Variants in MPP4 observed in about 807,000 individuals in gnomAD.
MPP4 encodes the protein MAGUK p55 subfamily member 4.
In MPP4, 91 loss-of-function variants were observed where a neutral mutation model predicts 98.3. The ratio of observed to expected loss-of-function variants is 0.93; its 90% CI spans 0.78 to 1.10. The LOEUF is 1.10. Ranked by LOEUF, MPP4 falls within the 50% of genes least tolerant of loss-of-function variation. The pLI, the probability that MPP4 is intolerant of heterozygous loss-of-function variation, is 0.00. For missense variants in MPP4, 744 were observed against 792.9 expected (o/e 0.94, Z 0.74); for synonymous variants, 261 against 271.8 (o/e 0.96, Z 0.39).
chr2:201,649,323 A>G (rs1001236437), intron 20 of MPP4, among the ~76,000 whole-genome samples: 1 of 152,226 alleles, frequency 6.6e-6, no homozygotes, highest in African/African-American at 2.4e-5. Flanking sequence ...GGTTAAAGCA[A>G]GAAAGATTCT....
At chr2:201,666,305 A>G in intron 13 of MPP4, 29 bp downstream of exon 13, 5 of 1,533,180 alleles carry the variant, frequency 3.3e-6, no homozygotes, top group Non-Finnish European at 4.4e-6. Flanking sequence ...ATTTCTTCTA[A>G]CAGCAAAGCA....
At chr2:201,691,907 AC>A (rs1036870972) in intron 3 of MPP4, among the ~76,000 whole-genome samples, 2 of 152,196 alleles carry the variant, frequency 1.3e-5, no homozygotes, top group Non-Finnish European at 2.9e-5. Flanking sequence ...AATAGGAATA[AC>A]TTTTTAAAGC....
chr2:201,649,811 A>C, intron 19 of MPP4, 127 bp from the exon 20 acceptor site: 1 of 717,892 alleles, frequency 1.4e-6, no homozygotes, highest in Non-Finnish European at 2.4e-6. Context: ...GAAAGAATGA[A>C]TAGATATTCA....
intron 14 of MPP4, chr2:201,661,342 C>A (rs1009077786): frequency 7.7e-5 from 35 of 453,016 alleles, no homozygotes; most frequent in South Asian, 4.2e-4. Context: ...AACTGAAGAA[C>A]CTTAACTGCT....
chr2:201,680,182 T>C (rs2105937476), intron 10 of MPP4: 1 of 152,378 alleles, frequency 6.6e-6, no homozygotes, highest in Non-Finnish European at 1.5e-5. Flanking sequence ...TGGGTTGAAA[T>C]TGAGGTCTCA....
At chr2:201,675,183 C>G (rs761293410) in intron 11 of MPP4, 24 bp downstream of exon 11, 1 of 1,594,354 alleles carries the variant, frequency 6.3e-7, no homozygotes, top group Non-Finnish European at 8.5e-7. Context: ...CAGGAAGAAC[C>G]TGTCGGGCAG....
intron 15 of MPP4, 72 bp from the exon 16 acceptor site, chr2:201,658,590 C>A: frequency 1.4e-6 from 2 of 1,434,810 alleles, no homozygotes; most frequent in South Asian, 2.6e-5. Context: ...TTCATGAAAT[C>A]ATTTTCAACT....
At chr2:201,687,686 T>C (rs1381626392) in intron 4 of MPP4, among the ~76,000 whole-genome samples, 1 of 152,248 alleles carries the variant, frequency 6.6e-6, no homozygotes. Flanking sequence ...ACTTTTCCTC[T>C]AGTGCCTCTA....
In MPP4 at chr2:201,693,870, A is replaced by C. The variant is rs1207727739; in HGVS notation, c.79+6T>G. 7 of 1,613,880 alleles carry C rather than the reference A, an allele frequency of 4.3e-6. No individual in the cohort carries two copies. The East Asian group carries it at 1.6e-4, about 36-fold the overall frequency. ...GGTCTAGAAAAGGAGTCCTGGTGACACATACCATTCTGTGGATTGGTGGCT... is the reference window on the plus strand; with the variant it reads ...GGTCTAGAAAAGGAGTCCTGGTGACCCATACCATTCTGTGGATTGGTGGCT... On this transcript the variant is annotated splice_donor_region_variant and intron_variant, in intron 2 of 21. Coordinates refer to ENST00000409474, the MANE Select transcript of MPP4 (RefSeq NM_033066.3).
At chr2:201,683,910 G>C (rs1184734260) in intron 7 of MPP4, among the ~76,000 whole-genome samples, 2 of 152,164 alleles carry the variant, frequency 1.3e-5, no homozygotes, top group Non-Finnish European at 2.9e-5. Context: ...AACAGGTATA[G>C]AACCACTCAT....
At chr2:201,666,420 C>T (rs1454163070) in intron 12 of MPP4, 48 bp from the exon 13 acceptor site, 3 of 1,437,562 alleles carry the variant, frequency 2.1e-6, no homozygotes, top group African/African-American at 2.9e-5. Flanking sequence ...AATGTGTCTG[C>T]ATTAAAAAGA....
chr2:201,664,454 TTGCTGC>T, intron 13 of MPP4: 1 of 1,021,726 alleles, frequency 9.8e-7, no homozygotes, highest in Non-Finnish European at 1.3e-6. Context: ...CTGCTCGGCT[TTGCTGC>T]AGAGGGCTTG....
At position 201,660,318 on chromosome 2, in the gene MPP4, A is replaced by G. The variant is rs1687989167; in HGVS notation, c.1087+14T>C. 1.2e-6 allele frequency: 2 copies of G among 1,610,080 alleles called. No homozygotes were observed. The highest frequency in any genetic ancestry group is 1.3e-5 in the African/African-American group (1 of 74,842). On this transcript the variant is annotated intron_variant, in intron 15 of 21. Transcript: ENST00000409474. ...TAGTTCTATTTGGTATATCTAGGAA[A>G]TAAAAACAATTACCTTCTGAAAGTT...
chr2:201,656,723 G>A (rs1025495920), intron 16 of MPP4, among the ~76,000 whole-genome samples: 6 of 152,172 alleles, frequency 3.9e-5, no homozygotes, highest in Non-Finnish European at 5.9e-5. Flanking sequence ...AGAGAGTGAT[G>A]GGGGTGCTTT....
chr2:201,653,954 T>A (rs555385037), intron 18 of MPP4, among the ~76,000 whole-genome samples: 20 of 151,842 alleles, frequency 1.3e-4, no homozygotes, highest in South Asian at 4.2e-4. Context: ...AATAAAGGAG[T>A]TACGAGTAAA....
chr2:201,698,186 C>T (rs1689246682), intron 1 of MPP4: 1 of 606,958 alleles, frequency 1.6e-6, no homozygotes. Flanking sequence ...CTATTAAATG[C>T]CACAACCCCC....
At chr2:201,676,709 G>C (rs1400447643) in intron 10 of MPP4, among the ~76,000 whole-genome samples, 3 of 152,156 alleles carry the variant, frequency 2.0e-5, no homozygotes, top group African/African-American at 7.2e-5. Flanking sequence ...AGACCAGCTT[G>C]GCCAACACAG....
In MPP4 at chr2:201,658,461, T is replaced by C. The variant is rs1227518043; in HGVS notation, c.1129+16A>G. 4 of 1,608,494 alleles carry C rather than the reference T, an allele frequency of 2.5e-6. No individual in the cohort carries two copies. The highest frequency in any genetic ancestry group is 4.5e-5 in the East Asian group (2 of 44,820). ...ACAAGTGACAGAGACCCACCTCTTG[T>C]TAATTTATCACCTACCTATAAAGAA... On this transcript the variant is annotated intron_variant, in intron 16 of 21. Transcript: ENST00000409474.
intron 18 of MPP4, chr2:201,651,735 C>G (rs1054268194): frequency 2.6e-6 from 2 of 763,288 alleles, no homozygotes; most frequent in Non-Finnish European, 3.2e-6. Context: ...GGGTGGATCA[C>G]CTGGGGTCAG....
Sources: allele counts gnomAD v4.1 joint callset (sites outside exome capture counted in the v4.1 genomes callset), GRCh38; gene constraint gnomAD v4.1.1; transcripts MANE v1.5; gene names NCBI Gene and HGNC (gene_info 2026-07-23, HGNC 2026-07-21).